The following DTX2 variants were observed in gnomAD, a reference collection of about 807,000 sequenced individuals.
DTX2 encodes deltex E3 ubiquitin ligase 2.
Under a neutral mutation model 55.3 loss-of-function variants are expected in DTX2, and 29 were observed. The ratio of observed to expected loss-of-function variants is 0.52; its 90% CI spans 0.39 to 0.71. DTX2 has a LOEUF of 0.71. Ranked by LOEUF, DTX2 falls within the 30% of genes least tolerant of loss-of-function variation. The pLI is 0.00. For missense variants in DTX2, 537 were observed against 822.5 expected (o/e 0.65, Z 4.25); for synonymous variants, 276 against 340.4 (o/e 0.81, Z 2.08).
intron 7 of DTX2, 66 bp from the exon 8 acceptor site, chr7:76,502,232 C>G: frequency 1.3e-6 from 2 of 1,506,608 alleles, no homozygotes; most frequent in South Asian, 2.4e-5. Context: ...GCCTCTTTTT[C>G]CAAGACTGGC....
intron 3 of DTX2, among the ~76,000 whole-genome samples, 183 bp downstream of exon 3, chr7:76,480,960 TG>T (rs1329489265): frequency 6.6e-6 from 1 of 152,232 alleles, no homozygotes; most frequent in Non-Finnish European, 1.5e-5. Flanking sequence ...CAGCTCACAG[TG>T]GGAGAGGCAC....
rs199908903 is a variant in DTX2 at position 76,492,184 on chromosome 7, C to G, written c.940C>G (p.Pro314Ala). The G allele has an allele frequency of 2.6e-4, 345 of 1,346,006 alleles. 1 individual carries two copies. The highest frequency in any genetic ancestry group is 3.4e-4 in the Non-Finnish European group (341 of 999,206). 83.4% of individuals were successfully genotyped at this position (1,346,006 alleles called of 1,614,324 possible). The change falls in exon 5 of 11, where the codon CCA (proline) becomes GCA (alanine). Residue 314 changes from proline (P) to alanine (A), a missense_variant. By Grantham distance (27) the Pro-to-Ala change is conservative. This residue lies in a region of DTX2 where 18 missense variants were observed against 65.0 expected (regional missense o/e 0.28). Transcript: ENST00000430490. ...ASLPSGPSSS[P>A]GSVPATVPMQ... is the part of the protein sequence containing the mutation. ...CCTCCCCAGCGGTCCCTCAAGCAGC[C>G]CAGGGAGCGTCCCTGCCACTGTGCC... is the stretch of plus-strand genomic sequence containing the variant.
chr7:76,477,131 C>T (rs1299713053), intron 2 of DTX2: 1 of 135,730 alleles, frequency 7.4e-6, no homozygotes, highest in Non-Finnish European at 1.6e-5. Context: ...CAATTGAAGA[C>T]ACTGAGCTGA....
chr7:76,481,131 C>T (rs1314389591), intron 3 of DTX2, among the ~76,000 whole-genome samples: 1 of 152,132 alleles, frequency 6.6e-6, no homozygotes, highest in Non-Finnish European at 1.5e-5. Flanking sequence ...CCTGGGCAGG[C>T]AACTGCGCCC....
At chr7:76,494,447 A>G (rs1810706802) in intron 5 of DTX2, among the ~76,000 whole-genome samples, 1 of 84,680 alleles carries the variant, frequency 1.2e-5, no homozygotes, top group Admixed American at 1.1e-4. Context: ...ACGGTTCCTC[A>G]TGGCCCAGCT....
chr7:76,489,822 C>CA (rs1177546011), intron 4 of DTX2, among the ~76,000 whole-genome samples: 3 of 131,224 alleles, frequency 2.3e-5, no homozygotes, highest in Non-Finnish European at 5.0e-5. Context: ...GACTCTGTCT[C>CA]AAAAAATCCA....
chr7:76,498,842 G>C (rs1811255399), intron 6 of DTX2, among the ~76,000 whole-genome samples: 1 of 132,356 alleles, frequency 7.6e-6, no homozygotes, highest in African/African-American at 3.4e-5. Flanking sequence ...GTGAGGGTGT[G>C]TGGGGTGTGT....
intron 2 of DTX2, among the ~76,000 whole-genome samples, chr7:76,473,984 C>G (rs1345478160): frequency 7.9e-6 from 1 of 127,032 alleles, no homozygotes; most frequent in Non-Finnish European, 1.6e-5. Context: ...TGCAATGGCG[C>G]GATCTCGGCT....
intron 6 of DTX2, among the ~76,000 whole-genome samples, chr7:76,498,426 C>G (rs1213332296): frequency 2.0e-5 from 3 of 151,512 alleles, no homozygotes; most frequent in Non-Finnish European, 2.9e-5. Context: ...GTTGGCAGCC[C>G]GGGCTGGCAA....
At chr7:76,469,544 C>A (rs1807648637) in intron 2 of DTX2, among the ~76,000 whole-genome samples, 1 of 150,668 alleles carries the variant, frequency 6.6e-6, no homozygotes, top group Non-Finnish European at 1.5e-5. Context: ...AGGCGCTCGC[C>A]ACCACACTTG....
rs1194470735 is a variant in DTX2, at chr7:76,505,284, G to A, written c.1642-90G>A. The A allele has an allele frequency of 2.3e-5, 26 of 1,126,070 alleles. No homozygotes were observed. The Admixed American group carries it at 5.4e-4, about 24-fold the overall frequency. The allele number at this position is 1,126,070 out of a possible 1,614,324, so 69.8% of individuals were successfully genotyped here. On this transcript the variant is annotated intron_variant, in intron 10 of 10. Transcript: ENST00000430490. The surrounding 1 kb of genome is among the most constrained non-coding windows in gnomAD (Gnocchi z 4.4). ...AGTCACCTGGGAGGGGCTGGGATGG[G>A]AAGAACATGGTGCCAACCCGTGCCT...
At chr7:76,469,119 C>T (rs1032860704) in intron 2 of DTX2, among the ~76,000 whole-genome samples, 1 of 143,996 alleles carries the variant, frequency 6.9e-6, no homozygotes, top group African/African-American at 2.6e-5. Context: ...CTCCTGTTTA[C>T]ACATTGTTTA....
intron 4 of DTX2, among the ~76,000 whole-genome samples, chr7:76,483,567 G>C (rs1809566418): frequency 6.6e-6 from 1 of 150,790 alleles, no homozygotes; most frequent in Non-Finnish European, 1.5e-5. Flanking sequence ...CCCTAGTCTA[G>C]TGCAAGGGGC....
chr7:76,467,064 C>T (rs1185979624), intron 2 of DTX2, among the ~76,000 whole-genome samples: 1 of 151,910 alleles, frequency 6.6e-6, no homozygotes, highest in Non-Finnish European at 1.5e-5. Context: ...CCATGCTTAG[C>T]TAATTTTTAA....
intron 4 of DTX2, among the ~76,000 whole-genome samples, chr7:76,486,884 C>CTGCTGCTGCTGCTGCTGCTGCTTT (rs59594095): frequency 0.041 from 6,136 of 148,466 alleles, 70 homozygotes; most frequent in African/African-American, 0.05. Flanking sequence ...GCTGCTGCTG[C>CTGCTGCTGCTGCTGCTGCTGCTTT]TGCCCTTGCC....
In DTX2 at chr7:76,503,781, G is replaced by T. The variant is rs574515440; in HGVS notation, c.1551+194G>T. Among the ~76,000 whole-genome samples, 2,561 of 150,326 alleles carry T rather than the reference G, an allele frequency of 0.017. 66 individuals carry two copies. Among genetic ancestry groups the T allele is most frequent in the African/African-American group, 0.058 (2,393 of 41,354 alleles). On this transcript the variant is annotated intron_variant, in intron 9 of 10. Coordinates refer to ENST00000430490, the MANE Select transcript of DTX2 (RefSeq NM_001102594.3). ...CCGGGGCTTAGGGTAAGCTCTTAGGGCTGTGGCAGCAAAAGGCTGGCCCTC... is the reference window on the plus strand; with the variant it reads ...CCGGGGCTTAGGGTAAGCTCTTAGGTCTGTGGCAGCAAAAGGCTGGCCCTC...
intron 2 of DTX2, 143 bp from the exon 3 acceptor site, chr7:76,480,278 C>T: frequency 2.0e-6 from 1 of 502,446 alleles, no homozygotes; most frequent in Non-Finnish European, 3.5e-6. Flanking sequence ...GCACTGTAGC[C>T]TGGGTGAGAG....
intron 8 of DTX2, chr7:76,502,835 C>T: frequency 3.7e-6 from 1 of 272,020 alleles, no homozygotes; most frequent in Non-Finnish European, 7.0e-6. Context: ...GCACAGTGCT[C>T]ATGAGGGAGA....
chr7:76,505,702 T>G lies in DTX2; in HGVS notation c.*101T>G, dbSNP rs1221015153. Reference sequence around the variant, plus strand: ...GCCCAGCCCGAGAGGCTGGGAGGTTTGTTGAGGGTGTGGGGTGTGCCCCAC... The same window carrying G: ...GCCCAGCCCGAGAGGCTGGGAGGTTGGTTGAGGGTGTGGGGTGTGCCCCAC... On this transcript the variant is annotated 3_prime_UTR_variant, in exon 11 of 11. Coordinates refer to ENST00000430490, the MANE Select transcript of DTX2 (RefSeq NM_001102594.3). This position sits in a 1 kb window ranked among gnomAD's most constrained non-coding sequence, Gnocchi z 4.4. 6.2e-6 allele frequency: 8 copies of G among 1,283,608 alleles called. No individual in the cohort carries two copies. Among genetic ancestry groups the G allele is most frequent in the African/African-American group, 1.5e-5 (1 of 67,696 alleles). 79.5% of individuals were successfully genotyped at this position (1,283,608 alleles called of 1,614,324 possible).
Sources: allele counts gnomAD v4.1 joint callset (sites outside exome capture counted in the v4.1 genomes callset), GRCh38; gene constraint gnomAD v4.1.1; regional missense constraint gnomAD v4.1.1; non-coding constraint Gnocchi (gnomAD v3.1); transcripts MANE v1.5; gene names NCBI Gene and HGNC (gene_info 2026-07-23, HGNC 2026-07-21).